The following EFNA5 variants were observed in gnomAD, a reference collection of about 807,000 sequenced individuals.
EFNA5 encodes ephrin A5.
EFNA5 carries 5 observed loss-of-function variants against 22.9 expected under a neutral mutation model. That is an observed-to-expected ratio of 0.22 (90% confidence interval 0.11 to 0.46). The LOEUF (loss-of-function observed/expected upper bound fraction) is 0.46, where lower values mean the gene tolerates loss of function less well. Ranked by LOEUF, EFNA5 falls within the 20% of genes least tolerant of loss-of-function variation. EFNA5 has a pLI of 0.99. For missense variants in EFNA5, 237 were observed against 293.3 expected (o/e 0.81, Z 1.40); for synonymous variants, 113 against 112.2 (o/e 1.01, Z -0.04).
In EFNA5 at chr5:107,514,469, C is replaced by G. The variant is rs573622428; in HGVS notation, c.126-86960G>C. Reference sequence around the variant, plus strand: ...GTGGTAGGCAGAGAACACATCATCCCACCTGGAACGTGAGTCATTTGTGAA... The same window carrying G: ...GTGGTAGGCAGAGAACACATCATCCGACCTGGAACGTGAGTCATTTGTGAA... On this transcript the variant is annotated intron_variant, in intron 1 of 4. Coordinates refer to ENST00000333274, the MANE Select transcript of EFNA5 (RefSeq NM_001962.3). Among the ~76,000 whole-genome samples, 4 of 152,284 alleles carry G rather than the reference C, an allele frequency of 2.6e-5. No individual in the cohort carries two copies. In the East Asian group the frequency reaches 7.7e-4, roughly 29 times the overall value.
chr5:107,548,263 T>G (rs994023571), intron 1 of EFNA5, among the ~76,000 whole-genome samples: 15 of 152,328 alleles, frequency 9.8e-5, no homozygotes, highest in African/African-American at 3.1e-4. Context: ...TTAAAAATTT[T>G]TTTGAAGTTT....
In EFNA5 at chr5:107,623,475, A is replaced by G. The variant is rs1184796121; in HGVS notation, c.125+47014T>C. The stretch of plus-strand genomic sequence containing the variant: ...AAAACTCTTTCTTTCCTAATGTTTA[A>G]TGATAATTTATAGCCCTAGAACATT... On this transcript the variant is annotated intron_variant, in intron 1 of 4. Transcript: ENST00000333274. Among the ~76,000 whole-genome samples the G allele has an allele frequency of 5.3e-5, 8 of 152,172 alleles. No homozygotes were observed. In the East Asian group the frequency reaches 1.5e-3, roughly 29 times the overall value.
intron 1 of EFNA5, among the ~76,000 whole-genome samples, chr5:107,582,552 A>G (rs1749095127): frequency 6.6e-6 from 1 of 152,182 alleles, no homozygotes; most frequent in Admixed American, 6.5e-5. Context: ...ATCAGAGACC[A>G]CTTTCCACTG....
intron 1 of EFNA5, among the ~76,000 whole-genome samples, chr5:107,570,190 G>A (rs1381219342): frequency 2.0e-5 from 3 of 152,100 alleles, no homozygotes; most frequent in African/African-American, 4.8e-5. Context: ...AATTACCCTG[G>A]TACCTTAAAG....
intron 2 of EFNA5, among the ~76,000 whole-genome samples, chr5:107,391,770 T>C (rs1747800703): frequency 6.6e-6 from 1 of 152,096 alleles, no homozygotes. Flanking sequence ...ATCCATAGAG[T>C]CCCTTCCCCT....
In EFNA5 at chr5:107,505,617, T is replaced by C. The variant is rs7734120; in HGVS notation, c.126-78108A>G. Among the ~76,000 whole-genome samples, 1,467 of 152,228 alleles carry C rather than the reference T, an allele frequency of 9.6e-3. 19 individuals are homozygous for C. The highest frequency in any genetic ancestry group is 0.034 in the African/African-American group (1,392 of 41,526). On this transcript the variant is annotated intron_variant, in intron 1 of 4. Coordinates refer to ENST00000333274, the MANE Select transcript of EFNA5 (RefSeq NM_001962.3). ...ATCACTAAGAGATATCATTAGAAAA[T>C]GTATGCAGTAATAGCAAAGCGTGTG...
chr5:107,467,614 G>A (rs571314258), intron 1 of EFNA5, among the ~76,000 whole-genome samples: 74 of 152,292 alleles, frequency 4.9e-4, no homozygotes, highest in African/African-American at 1.7e-3. Flanking sequence ...AAGGTGGCAC[G>A]TGGATAACCA....
intron 1 of EFNA5, among the ~76,000 whole-genome samples, chr5:107,576,141 G>A (rs572310845): frequency 1.0e-3 from 155 of 152,142 alleles, no homozygotes; most frequent in Non-Finnish European, 1.8e-3. Flanking sequence ...ATGGGTTGTT[G>A]TAAATGGATG....
rs186573479 is a variant in EFNA5, at chr5:107,507,769, C to T, written c.126-80260G>A. 4.3e-4 allele frequency among the ~76,000 whole-genome samples: 66 copies of T among 152,102 alleles called. No homozygotes were observed. In the East Asian group the frequency reaches 0.011, roughly 25 times the overall value. On this transcript the variant is annotated intron_variant, in intron 1 of 4. Coordinates refer to ENST00000333274, the MANE Select transcript of EFNA5 (RefSeq NM_001962.3). ...GGAGAATCACTTGAACCCAGGAGGTCGTATTTTGGATATGCTGAATTAAAT... is the reference window on the plus strand; with the variant it reads ...GGAGAATCACTTGAACCCAGGAGGTTGTATTTTGGATATGCTGAATTAAAT...
chr5:107,481,937 TAGAA>T (rs1453043653), intron 1 of EFNA5, among the ~76,000 whole-genome samples: 3 of 152,080 alleles, frequency 2.0e-5, no homozygotes, highest in Non-Finnish European at 4.4e-5. Context: ...CTTTAAACAT[TAGAA>T]AACAAACACT....
chr5:107,619,483 G>C (rs974291567), intron 1 of EFNA5, among the ~76,000 whole-genome samples: 15 of 147,320 alleles, frequency 1.0e-4, no homozygotes, highest in Non-Finnish European at 1.8e-4. Flanking sequence ...TTTTTTTTAA[G>C]ACAGAGTCTC....
chr5:107,380,580 GAAAA>G lies in EFNA5; in HGVS notation c.*671_*674del, dbSNP rs200218848. On this transcript the variant is annotated 3_prime_UTR_variant, in exon 5 of 5. Coordinates refer to ENST00000333274, the MANE Select transcript of EFNA5 (RefSeq NM_001962.3). ...CATTCCACACCCAACCTGCCTCCTA[GAAAA>G]AAAAAAAAGGCTTCTTTTAGAGAGC... is the stretch of plus-strand genomic sequence containing the variant. 2.1e-5 allele frequency: 6 copies of G among 282,702 alleles called. No individual in the cohort carries two copies. The highest frequency in any genetic ancestry group is 5.8e-5 in the Admixed American group (1 of 17,192). The allele number at this position is 282,702 out of a possible 1,614,324, so 17.5% of individuals were successfully genotyped here.
chr5:107,593,438 A>G (rs1749416737), intron 1 of EFNA5, among the ~76,000 whole-genome samples: 1 of 152,196 alleles, frequency 6.6e-6, no homozygotes, highest in South Asian at 2.1e-4. Flanking sequence ...ACGATAGGAA[A>G]CAGCACTGCT....
chr5:107,590,113 T>C (rs1749286314), intron 1 of EFNA5, among the ~76,000 whole-genome samples: 1 of 152,086 alleles, frequency 6.6e-6, no homozygotes, highest in South Asian at 2.1e-4. Context: ...CTCATCGGTA[T>C]AAAGAGTAGC....
chr5:107,448,939 T>C (rs1159403207), intron 1 of EFNA5, among the ~76,000 whole-genome samples: 2 of 152,016 alleles, frequency 1.3e-5, no homozygotes, highest in Non-Finnish European at 2.9e-5. Flanking sequence ...CATATCACCA[T>C]GAAGGGCAAT....
At position 107,427,299 on chromosome 5, in the gene EFNA5, C is replaced by T. The variant is rs766433848; in HGVS notation, c.336G>A (p.Leu112=). The T allele has an allele frequency of 8.7e-6, 14 of 1,613,988 alleles. No individual in the cohort carries two copies. The highest frequency in any genetic ancestry group is 1.6e-4 in the Middle Eastern group (1 of 6,082). Reference sequence around the variant, plus strand: ...AGAGCTGGAATTTTTCAGAGAACTTCAGCGGTCCATTTGGAGAGTGAGGCC... The same window carrying T: ...AGAGCTGGAATTTTTCAGAGAACTTTAGCGGTCCATTTGGAGAGTGAGGCC... ...CNRPHSPNGP[L]KFSEKFQLFT... Residue 112 remains leucine (L), a synonymous_variant, in exon 2 of 5, where the codon CTG becomes CTA. Transcript: ENST00000333274.
At chr5:107,601,050 C>T (rs1428625273) in intron 1 of EFNA5, among the ~76,000 whole-genome samples, 1 of 152,158 alleles carries the variant, frequency 6.6e-6, no homozygotes, top group African/African-American at 2.4e-5. Context: ...CTAGCAGTCC[C>T]TATAAAGTAT....
chr5:107,619,111 G>A (rs1749982949), intron 1 of EFNA5, among the ~76,000 whole-genome samples: 1 of 151,870 alleles, frequency 6.6e-6, no homozygotes, highest in Non-Finnish European at 1.5e-5. Flanking sequence ...ATTTTTAGTA[G>A]AGACGGGGTT....
chr5:107,625,138 T>G (rs1750116861), intron 1 of EFNA5, among the ~76,000 whole-genome samples: 1 of 152,158 alleles, frequency 6.6e-6, no homozygotes, highest in Non-Finnish European at 1.5e-5. Context: ...TAGCAACTAA[T>G]TTTTGAAATA....
Sources: gnomAD v4.1 joint callset for allele counts (sites outside exome capture counted in the v4.1 genomes callset) on GRCh38, gnomAD v4.1.1 for gene constraint, MANE v1.5 for transcripts, NCBI Gene and HGNC (gene_info 2026-07-23, HGNC 2026-07-21) for gene names.